Variants in FAM83B observed in about 807,000 individuals in gnomAD.
FAM83B encodes the protein scaffolding CK1 anchoring protein B, also known as protein FAM83B.
In FAM83B, 26 loss-of-function variants were observed where a neutral mutation model predicts 38.8. The observed-to-expected ratio is 0.67, with a 90% CI of 0.49 to 0.93. The LOEUF (loss-of-function observed/expected upper bound fraction) is 0.93. Ranked by LOEUF, FAM83B falls within the 40% of genes least tolerant of loss-of-function variation. FAM83B has a pLI of 0.00. For missense variants in FAM83B, 1,237 were observed against 1,197.3 expected (o/e 1.03, Z -0.49); for synonymous variants, 419 against 423.1 (o/e 0.99, Z 0.12).
chr6:54,937,989 G>A (rs1308896410), intron 4 of FAM83B, among the ~76,000 whole-genome samples: 1 of 151,952 alleles, frequency 6.6e-6, no homozygotes, highest in African/African-American at 2.4e-5. Context: ...CCCAAGCAGT[G>A]TACAATATAC....
At chr6:54,894,563 A>G (rs1772475161) in intron 2 of FAM83B, among the ~76,000 whole-genome samples, 1 of 152,218 alleles carries the variant, frequency 6.6e-6, no homozygotes, top group Non-Finnish European at 1.5e-5. Flanking sequence ...AGAGATTTTA[A>G]TTAAGAATCT....
chr6:54,900,856 G>A (rs913265751), intron 2 of FAM83B, among the ~76,000 whole-genome samples: 1 of 152,206 alleles, frequency 6.6e-6, no homozygotes, highest in African/African-American at 2.4e-5. Context: ...GCTGGGAAAT[G>A]TGGGCATAGA....
At chr6:54,855,947 A>G (rs1771436907) in intron 1 of FAM83B, among the ~76,000 whole-genome samples, 1 of 152,232 alleles carries the variant, frequency 6.6e-6, no homozygotes, top group Admixed American at 6.5e-5. Context: ...TATGATAAAT[A>G]TTTTTGATTT....
chr6:54,934,929 T>C (rs1773496843), intron 4 of FAM83B, among the ~76,000 whole-genome samples: 1 of 152,172 alleles, frequency 6.6e-6, no homozygotes, highest in Non-Finnish European at 1.5e-5. Flanking sequence ...CATGCAAACT[T>C]CCTATAAGTC....
chr6:54,940,137 A>G lies in FAM83B; in HGVS notation c.1166A>G (p.Tyr389Cys), dbSNP rs776399930. The change falls in exon 5 of 5, where the codon TAT (tyrosine) becomes TGT (cysteine). Residue 389 changes from tyrosine to cysteine, a missense_variant. By Grantham distance (194) the Tyr-to-Cys change is radical. Coordinates refer to ENST00000306858, the MANE Select transcript of FAM83B (RefSeq NM_001010872.3). ...AATGAAAATTGGAAAAGGCATAGTT[A>G]TGCTGGGGAACAGCCAGAAACAGTG... Reference protein sequence around the residue: ...QINENWKRHSYAGEQPETVPY... With the variant: ...QINENWKRHSCAGEQPETVPY... 3.1e-6 allele frequency: 5 copies of G among 1,614,130 alleles called. No individual in the cohort carries two copies. The highest frequency in any genetic ancestry group is 4.2e-6 in the Non-Finnish European group (5 of 1,180,022).
chr6:54,855,928 T>G (rs1206459214), intron 1 of FAM83B, among the ~76,000 whole-genome samples: 1 of 152,206 alleles, frequency 6.6e-6, no homozygotes, highest in Non-Finnish European at 1.5e-5. Context: ...TCAGTTTATT[T>G]TGTATACATA....
intron 2 of FAM83B, among the ~76,000 whole-genome samples, chr6:54,892,613 G>GCTGCCT (rs1280377002): frequency 1.3e-5 from 2 of 150,622 alleles, no homozygotes; most frequent in Non-Finnish European, 3.0e-5. Flanking sequence ...TCTTATTATG[G>GCTGCCT]CTGCCTCTGA....
At chr6:54,919,654 C>T (rs192864053) in intron 2 of FAM83B, among the ~76,000 whole-genome samples, 33 of 152,002 alleles carry the variant, frequency 2.2e-4, no homozygotes, top group African/African-American at 5.8e-4. Flanking sequence ...TTTGTATCCC[C>T]CTAGTAATAT....
chr6:54,849,520 G>A (rs1771221533), intron 1 of FAM83B, among the ~76,000 whole-genome samples: 1 of 151,708 alleles, frequency 6.6e-6, no homozygotes, highest in South Asian at 2.1e-4. Flanking sequence ...AGGTAGGGGT[G>A]GGTGATGGAG....
chr6:54,876,278 CATATATAT>C (rs3996949), intron 2 of FAM83B, among the ~76,000 whole-genome samples: 1,672 of 95,872 alleles, frequency 0.017, 27 homozygotes, highest in African/African-American at 0.047. Context: ...TTTAGGAGTG[CATATATAT>C]ATATATATAT....
chr6:54,910,878 T>G (rs1173961499), intron 2 of FAM83B, among the ~76,000 whole-genome samples: 2 of 76,194 alleles, frequency 2.6e-5, no homozygotes, highest in Non-Finnish European at 6.2e-5. Context: ...TGAAGAACTG[T>G]TTTTTTTCCC....
intron 4 of FAM83B, among the ~76,000 whole-genome samples, chr6:54,929,508 C>G (rs992977788): frequency 6.6e-6 from 1 of 152,100 alleles, no homozygotes; most frequent in Non-Finnish European, 1.5e-5. Flanking sequence ...TAACATGATA[C>G]TAACATTGAT....
chr6:54,895,532 C>A (rs1772507685), intron 2 of FAM83B, among the ~76,000 whole-genome samples: 1 of 152,138 alleles, frequency 6.6e-6, no homozygotes, highest in Non-Finnish European at 1.5e-5. Flanking sequence ...AATATCTATT[C>A]AAACTCAGTT....
At chr6:54,890,993 A>T (rs1048532934) in intron 2 of FAM83B, among the ~76,000 whole-genome samples, 4 of 151,468 alleles carry the variant, frequency 2.6e-5, no homozygotes, top group Non-Finnish European at 5.9e-5. Context: ...GCCTCCTGCG[A>T]TTCCATTTAA....
intron 1 of FAM83B, among the ~76,000 whole-genome samples, chr6:54,864,970 A>G (rs1771666180): frequency 6.6e-6 from 1 of 152,226 alleles, no homozygotes. Context: ...GTTATATCAG[A>G]TAACTAGTTT....
intron 2 of FAM83B, among the ~76,000 whole-genome samples, chr6:54,913,571 G>A (rs897265701): frequency 6.6e-6 from 1 of 151,838 alleles, no homozygotes; most frequent in Non-Finnish European, 1.5e-5. Flanking sequence ...ATACTGACAG[G>A]TGACTTTGGG....
intron 1 of FAM83B, among the ~76,000 whole-genome samples, chr6:54,857,161 C>G (rs927507816): frequency 6.6e-6 from 1 of 152,154 alleles, no homozygotes; most frequent in Non-Finnish European, 1.5e-5. Flanking sequence ...ATAGTTGAGG[C>G]ACACTACCCT....
At chr6:54,922,149 TGA>T (rs1773186333) in intron 2 of FAM83B, among the ~76,000 whole-genome samples, 1 of 152,078 alleles carries the variant, frequency 6.6e-6, no homozygotes, top group African/African-American at 2.4e-5. Context: ...ATCCATTGGC[TGA>T]GTGACTTCAA....
chr6:54,857,526 T>C (rs1187063698), intron 1 of FAM83B, among the ~76,000 whole-genome samples: 1 of 152,120 alleles, frequency 6.6e-6, no homozygotes. Flanking sequence ...AAGGGGTAGG[T>C]CGACAGATCT....
Sources: gnomAD v4.1 joint callset for allele counts (sites outside exome capture counted in the v4.1 genomes callset) on GRCh38, gnomAD v4.1.1 for gene constraint, MANE v1.5 for transcripts, NCBI Gene and HGNC (gene_info 2026-07-23, HGNC 2026-07-21) for gene names.